Variants in ZFAND3 observed in about 807,000 individuals in gnomAD.
ZFAND3 encodes zinc finger AN1-type containing 3.
Under a neutral mutation model 29.6 loss-of-function variants are expected in ZFAND3, and 10 were observed. The observed-to-expected ratio is 0.34, with a 90% CI of 0.21 to 0.57. The LOEUF (loss-of-function observed/expected upper bound fraction) is 0.57, where lower values mean the gene tolerates loss of function less well. Among genes scored for constraint, ZFAND3 ranks in the 20% least tolerant of loss-of-function variants. The probability of loss-of-function intolerance (pLI) is 0.86; values close to 1 mark genes in which losing one functional copy is unlikely to be tolerated. For missense variants in ZFAND3, 230 were observed against 304.5 expected, an observed-to-expected ratio of 0.76 and a Z score of 1.82; for synonymous variants, 128 against 112.6, an observed-to-expected ratio of 1.14 and a Z score of -0.87.
intron 4 of ZFAND3, among the ~76,000 whole-genome samples, chr6:38,090,251 C>A (rs1446801063): frequency 1.3e-5 from 2 of 152,136 alleles, no homozygotes; most frequent in African/African-American, 4.8e-5. Flanking sequence ...TCTGCAGTAT[C>A]AGCATTTGAG....
intron 2 of ZFAND3, among the ~76,000 whole-genome samples, chr6:37,950,523 G>A (rs1205566304): frequency 6.6e-6 from 1 of 151,796 alleles, no homozygotes; most frequent in African/African-American, 2.4e-5. Flanking sequence ...GATTACAGGC[G>A]CCTGCCACCG....
At position 37,987,779 on chromosome 6, in the gene ZFAND3, TCTC is replaced by T. The variant is rs530711758; in HGVS notation, c.112+57784_112+57786del. On this transcript the variant is annotated intron_variant, in intron 2 of 5. Transcript: ENST00000287218. ...ACTCAGGTTGGGGTGACATGCCAATTCTCCTCACTGGAAAGTGGCACAGATGTA... is the reference window on the plus strand; with the variant it reads ...ACTCAGGTTGGGGTGACATGCCAATTCTCACTGGAAAGTGGCACAGATGTA... Among the ~76,000 whole-genome samples, 61 of 152,282 alleles carry T rather than the reference TCTC, an allele frequency of 4.0e-4. 2 individuals carry two copies. In the South Asian group the frequency reaches 5.6e-3, roughly 14 times the overall value.
intron 2 of ZFAND3, among the ~76,000 whole-genome samples, chr6:38,058,104 A>G (rs1764166322): frequency 6.6e-6 from 1 of 152,216 alleles, no homozygotes; most frequent in Admixed American, 6.5e-5. Context: ...CATGGCAAGC[A>G]TGGGCTGGAG....
At chr6:37,972,260 C>T (rs1762401813) in intron 2 of ZFAND3, among the ~76,000 whole-genome samples, 1 of 152,194 alleles carries the variant, frequency 6.6e-6, no homozygotes, top group African/African-American at 2.4e-5. Context: ...ACACAGAAGG[C>T]CCACATAAAG....
At chr6:38,000,757 G>T (rs571976481) in intron 2 of ZFAND3, among the ~76,000 whole-genome samples, 26 of 152,206 alleles carry the variant, frequency 1.7e-4, no homozygotes, top group Non-Finnish European at 3.7e-4. Flanking sequence ...TAAAAGAAAA[G>T]ACTAAAAGAC....
At chr6:37,917,138 AC>A (rs1215033654) in intron 1 of ZFAND3, among the ~76,000 whole-genome samples, 4 of 152,230 alleles carry the variant, frequency 2.6e-5, no homozygotes, top group Admixed American at 2.0e-4. Context: ...TAGGAAGAAC[AC>A]AGTATATATA....
chr6:37,908,529 TAA>T (rs71542146), intron 1 of ZFAND3, among the ~76,000 whole-genome samples: 7 of 83,048 alleles, frequency 8.4e-5, no homozygotes, highest in Non-Finnish European at 1.6e-4. Context: ...AAAGTATAAT[TAA>T]AAAAAAAAAT....
intron 2 of ZFAND3, among the ~76,000 whole-genome samples, chr6:38,045,057 T>C (rs1032412902): frequency 7.0e-5 from 7 of 99,306 alleles, no homozygotes; most frequent in Non-Finnish European, 4.5e-5. Flanking sequence ...GAAATTCTTT[T>C]ATTTATTTAT....
rs887345761 is a variant in ZFAND3 at position 38,048,343 on chromosome 6, C to T, written c.113-13250C>T. 7.9e-5 allele frequency among the ~76,000 whole-genome samples: 12 copies of T among 151,640 alleles called. 1 individual carries two copies. Among genetic ancestry groups the T allele is most frequent in the Admixed American group, 3.3e-4 (5 of 15,238 alleles). ...TGGTCATTAAAAAATATATTCAGGC[C>T]GGGCGCGGTGGCTCACATCTGTAAT... On this transcript the variant is annotated intron_variant, in intron 2 of 5. Coordinates refer to ENST00000287218, the MANE Select transcript of ZFAND3 (RefSeq NM_021943.3).
intron 5 of ZFAND3, among the ~76,000 whole-genome samples, chr6:38,117,149 G>C (rs1765434662): frequency 6.6e-6 from 1 of 151,224 alleles, no homozygotes; most frequent in African/African-American, 2.4e-5. Context: ...TACTATTTAT[G>C]ATAAATGGAA....
chr6:37,858,504 T>C (rs1764423760), intron 1 of ZFAND3, among the ~76,000 whole-genome samples: 1 of 152,198 alleles, frequency 6.6e-6, no homozygotes, highest in African/African-American at 2.4e-5. Context: ...TTATGTGCTT[T>C]CAAAGAGGAT....
In ZFAND3 at chr6:38,000,682, G is replaced by A. The variant is rs140956193; in HGVS notation, c.113-60911G>A. ...CATGACACGTAGGAATTATTCTCTA[G>A]TAAAACAATAAATTAGATCAAGGAT... is the stretch of plus-strand genomic sequence containing the variant. On this transcript the variant is annotated intron_variant, in intron 2 of 5. Transcript: ENST00000287218. Among the ~76,000 whole-genome samples, 7 of 152,216 alleles carry A rather than the reference G, an allele frequency of 4.6e-5. No homozygotes were observed. In the East Asian group the frequency reaches 1.3e-3, roughly 29 times the overall value.
At chr6:37,898,930 C>G (rs181576541) in intron 1 of ZFAND3, among the ~76,000 whole-genome samples, 7 of 152,006 alleles carry the variant, frequency 4.6e-5, no homozygotes, top group African/African-American at 1.4e-4. Flanking sequence ...GAGTCTCACT[C>G]TGTTGCCCAG....
intron 1 of ZFAND3, among the ~76,000 whole-genome samples, chr6:37,914,233 A>G (rs1761189543): frequency 6.6e-6 from 1 of 152,130 alleles, no homozygotes; most frequent in Non-Finnish European, 1.5e-5. Flanking sequence ...TCTGAGCAGT[A>G]GTTCTTAACA....
At chr6:38,115,390 C>G (rs1030789036) in intron 4 of ZFAND3, among the ~76,000 whole-genome samples, 2 of 152,202 alleles carry the variant, frequency 1.3e-5, no homozygotes, top group African/African-American at 2.4e-5. Context: ...TGGACTTTCA[C>G]TCTGACAAGG....
At chr6:38,122,769 A>G (rs960503982) in intron 5 of ZFAND3, among the ~76,000 whole-genome samples, 33 of 152,228 alleles carry the variant, frequency 2.2e-4, no homozygotes, top group African/African-American at 8.0e-4. Context: ...TTATCAAGGT[A>G]TAGGTATAAG....
chr6:37,820,116 A>T, intron 1 of ZFAND3, 100 bp downstream of exon 1: 1 of 524,466 alleles, frequency 1.9e-6, no homozygotes, highest in Non-Finnish European at 2.4e-6. Flanking sequence ...GGAACCTTGG[A>T]GGCTGGGCCC....
Position 38,153,602 on chromosome 6 carries a change from A to C in ZFAND3, c.*1213A>C, listed in dbSNP as rs1766281870. 2.0e-5 allele frequency: 20 copies of C among 984,574 alleles called. No individual in the cohort carries two copies. Among genetic ancestry groups the C allele is most frequent in the East Asian group, 1.1e-4 (1 of 8,760 alleles). 61.0% of individuals were successfully genotyped at this position (984,574 alleles called of 1,614,324 possible). ...CTGGTAGGTGAGGGCCTGAGGGTAC[A>C]TTTCTCCACCTGTGCCCCCTCATGT... On this transcript the variant is annotated 3_prime_UTR_variant, in exon 6 of 6. Coordinates refer to ENST00000287218, the MANE Select transcript of ZFAND3 (RefSeq NM_021943.3).
At chr6:38,064,272 G>A (rs1409439801) in intron 3 of ZFAND3, among the ~76,000 whole-genome samples, 1 of 152,164 alleles carries the variant, frequency 6.6e-6, no homozygotes, top group East Asian at 1.9e-4. Flanking sequence ...ATGCATGTGA[G>A]GCTGAGATAA....
Sources: allele counts gnomAD v4.1 joint callset (sites outside exome capture counted in the v4.1 genomes callset), GRCh38; gene constraint gnomAD v4.1.1; transcripts MANE v1.5; gene names NCBI Gene and HGNC (gene_info 2026-07-23, HGNC 2026-07-21).